ROBO1: variants seen among roughly 807,000 people sequenced by gnomAD.
The protein encoded by ROBO1 is roundabout homolog 1.
Under a neutral mutation model 195.9 loss-of-function variants are expected in ROBO1, and 149 were observed. The ratio of observed to expected loss-of-function variants is 0.76; its 90% confidence interval spans 0.67 to 0.87. The LOEUF (loss-of-function observed/expected upper bound fraction) is 0.87, where lower values mean the gene tolerates loss of function less well. ROBO1 is among the 40% of genes least tolerant of loss of function. The pLI is 0.00. For synonymous variants in ROBO1, 816 were observed against 733.2 expected (o/e 1.11, Z -1.82); for missense variants, 1,933 against 2,068.3 (o/e 0.93, Z 1.27).
chr3:79,501,925 T>A (rs1940093557), intron 2 of ROBO1, among the ~76,000 whole-genome samples: 1 of 152,218 alleles, frequency 6.6e-6, no homozygotes, highest in Non-Finnish European at 1.5e-5. Flanking sequence ...TTGTTTTTGT[T>A]AACAACACTA....
At chr3:79,434,115 A>C (rs1477555231) in intron 2 of ROBO1, among the ~76,000 whole-genome samples, 1 of 152,230 alleles carries the variant, frequency 6.6e-6, no homozygotes, top group Non-Finnish European at 1.5e-5. Context: ...TAAAAACCCT[A>C]GAAGAAAACC....
At chr3:78,857,994 T>C (rs1363609185) in intron 4 of ROBO1, among the ~76,000 whole-genome samples, 1 of 152,172 alleles carries the variant, frequency 6.6e-6, no homozygotes, top group Non-Finnish European at 1.5e-5. Flanking sequence ...AACTGTCATG[T>C]AGAACACAGG....
intron 1 of ROBO1, among the ~76,000 whole-genome samples, chr3:79,594,944 T>G (rs1190673461): frequency 6.6e-6 from 1 of 152,012 alleles, no homozygotes; most frequent in East Asian, 1.9e-4. Flanking sequence ...TTAATGAACT[T>G]TATTGAAAGG....
chr3:78,604,160 T>C lies in ROBO1; in HGVS notation c.4744+2573A>G, dbSNP rs528681138. The stretch of plus-strand genomic sequence containing the variant: ...ATCTTGGCTCACTGCAATCTCCTCC[T>C]CCCGGGTTCAAGCAATTCTCCTGCC... On this transcript the variant is annotated intron_variant, in intron 29 of 30. Coordinates refer to ENST00000464233, the MANE Select transcript of ROBO1 (RefSeq NM_002941.4). Among the ~76,000 whole-genome samples the C allele has an allele frequency of 3.3e-5, 5 of 152,246 alleles. No individual in the cohort carries two copies. The East Asian group carries it at 9.7e-4, about 29-fold the overall frequency.
chr3:79,019,583 C>T (rs1048713610), intron 3 of ROBO1: 5 of 982,412 alleles, frequency 5.1e-6, no homozygotes, highest in Admixed American at 6.2e-5. Context: ...AGGCGCTGGT[C>T]AGGCAAGTTC....
chr3:79,389,138 A>C (rs2106689417), intron 2 of ROBO1, among the ~76,000 whole-genome samples: 1 of 152,174 alleles, frequency 6.6e-6, no homozygotes, highest in African/African-American at 2.4e-5. Context: ...TATGATGTAA[A>C]CCTTTTCCAT....
At chr3:79,476,000 TA>T (rs2107347229) in intron 2 of ROBO1, among the ~76,000 whole-genome samples, 1 of 152,054 alleles carries the variant, frequency 6.6e-6, no homozygotes, top group Non-Finnish European at 1.5e-5. Flanking sequence ...AAAATGATAT[TA>T]AAAATCTGTT....
chr3:79,593,375 G>A (rs779766417), intron 1 of ROBO1, among the ~76,000 whole-genome samples: 2 of 152,024 alleles, frequency 1.3e-5, no homozygotes, highest in Admixed American at 6.6e-5. Flanking sequence ...CTTTCTGCTA[G>A]TAATGGGTAA....
chr3:78,640,003 C>T lies in ROBO1; in HGVS notation c.2883-105G>A, dbSNP rs556232611. The T allele has an allele frequency of 7.6e-6, 7 of 922,008 alleles. No individual in the cohort carries two copies. The South Asian group carries it at 1.2e-4, about 15-fold the overall frequency. The allele number at this position is 922,008 out of a possible 1,614,324, so 57.1% of individuals were successfully genotyped here. ...TCATCTTGTTATGCTCACAAATCAT[C>T]TGATGAACTATGCTGAATGACATTA... is the stretch of plus-strand genomic sequence containing the variant. On this transcript the variant is annotated intron_variant, in intron 21 of 30. Coordinates refer to ENST00000464233, the MANE Select transcript of ROBO1 (RefSeq NM_002941.4).
intron 3 of ROBO1, among the ~76,000 whole-genome samples, chr3:78,987,340 G>A (rs750583661): frequency 4.0e-5 from 6 of 151,862 alleles, no homozygotes; most frequent in East Asian, 1.9e-4. Flanking sequence ...AGTAAACAAC[G>A]TATCACAACA....
At chr3:78,998,075 T>C (rs2077410781) in intron 3 of ROBO1, among the ~76,000 whole-genome samples, 1 of 152,186 alleles carries the variant, frequency 6.6e-6, no homozygotes, top group Non-Finnish European at 1.5e-5. Flanking sequence ...TAAATATTTG[T>C]GGAATTAAAT....
At chr3:79,625,432 A>AAAAAAAAAAAAAAAAAAC (rs1945142313) in intron 1 of ROBO1, among the ~76,000 whole-genome samples, 1 of 143,278 alleles carries the variant, frequency 7.0e-6, no homozygotes, top group Non-Finnish European at 1.5e-5. Flanking sequence ...TGAAAAAAAA[A>AAAAAAAAAAAAAAAAAAC]AAAAAAAAAA....
intron 4 of ROBO1, among the ~76,000 whole-genome samples, chr3:78,826,650 A>G (rs1268341187): frequency 6.6e-6 from 1 of 152,180 alleles, no homozygotes; most frequent in Non-Finnish European, 1.5e-5. Context: ...TGTTCCATTG[A>G]ATTGTTTCAA....
intron 4 of ROBO1, among the ~76,000 whole-genome samples, chr3:78,887,353 A>T (rs2036627516): frequency 6.6e-6 from 1 of 152,178 alleles, no homozygotes; most frequent in Non-Finnish European, 1.5e-5. Flanking sequence ...AGTCTACAAT[A>T]ATTCTCTTGC....
intron 5 of ROBO1, among the ~76,000 whole-genome samples, chr3:78,738,647 T>A (rs2108235891): frequency 6.6e-6 from 1 of 152,248 alleles, no homozygotes; most frequent in South Asian, 2.1e-4. Flanking sequence ...ACCTGAGAGA[T>A]TTCCTGGGAA....
At chr3:79,596,969 A>C (rs1944192952) in intron 1 of ROBO1, among the ~76,000 whole-genome samples, 1 of 152,196 alleles carries the variant, frequency 6.6e-6, no homozygotes, top group Admixed American at 6.5e-5. Context: ...GTGGAGAAAA[A>C]AATAGAAATA....
At chr3:79,747,105 T>A (rs570609897) in intron 1 of ROBO1, among the ~76,000 whole-genome samples, 8 of 152,168 alleles carry the variant, frequency 5.3e-5, no homozygotes, top group African/African-American at 1.9e-4. Context: ...ATTCTACAAA[T>A]TGGGTTTTCC....
In ROBO1 at chr3:79,095,671, G is replaced by T. The variant is rs11923728; in HGVS notation, c.172+29785C>A. Among the ~76,000 whole-genome samples the T allele has an allele frequency of 8.4e-3, 1,285 of 152,128 alleles. 20 individuals are homozygous for T. The highest frequency in any genetic ancestry group is 0.029 in the African/African-American group (1,215 of 41,508). On this transcript the variant is annotated intron_variant, in intron 3 of 30. Transcript: ENST00000464233. ...ATTGTTGTTTTAAGCTGCTAAATTT[G>T]GGGTTAATTTTTTGCACAGCAATAG...
intron 8 of ROBO1, among the ~76,000 whole-genome samples, chr3:78,709,683 G>A (rs752152236): frequency 1.3e-5 from 2 of 152,100 alleles, no homozygotes; most frequent in Non-Finnish European, 2.9e-5. Context: ...TCCATGTTTT[G>A]AAATGATCAT....
Sources: gnomAD v4.1 joint callset for allele counts (sites outside exome capture counted in the v4.1 genomes callset) on GRCh38, gnomAD v4.1.1 for gene constraint, MANE v1.5 for transcripts, NCBI Gene and HGNC (gene_info 2026-07-23, HGNC 2026-07-21) for gene names.